KDM4B: variants seen among roughly 807,000 people sequenced by gnomAD.
KDM4B encodes the protein lysine demethylase 4B.
Under a neutral mutation model 125.2 loss-of-function variants are expected in KDM4B, and 32 were observed. The observed-to-expected ratio is 0.26, with a 90% CI of 0.19 to 0.34. The LOEUF (loss-of-function observed/expected upper bound fraction) is 0.34. Among genes scored for constraint, KDM4B ranks in the 10% least tolerant of loss-of-function variants. KDM4B has a pLI of 1.00. For missense variants in KDM4B, 1,190 were observed against 1,577.7 expected, an observed-to-expected ratio of 0.75 and a Z score of 4.16; for synonymous variants, 721 against 677.9, an observed-to-expected ratio of 1.06 and a Z score of -0.99.
Position 5,151,491 on chromosome 19 carries a change from C to T in KDM4B, c.3271C>T (p.Arg1091Trp), listed in dbSNP as rs752308152. 1.7e-5 allele frequency: 24 copies of T among 1,452,432 alleles called. No individual in the cohort carries two copies. Among genetic ancestry groups the T allele is most frequent in the South Asian group, 9.3e-5 (7 of 75,544 alleles). The allele number at this position is 1,452,432 out of a possible 1,614,324, so 90.0% of individuals were successfully genotyped here. ...GGAGAGCCTCCTGCAGGTGCAGGGC[C>T]GGCCCGGAGCCCCCTTCTAGGACAG... ...FVESLLQVQG[R>W]PGAPF Residue 1091 changes from arginine to tryptophan, a missense_variant, in exon 23 of 23, where the codon CGG becomes TGG. This residue lies in a region of KDM4B where 109 missense variants were observed against 93.8 expected (regional missense o/e 1.16). Coordinates refer to ENST00000159111, the MANE Select transcript of KDM4B (RefSeq NM_015015.3).
rs879585966 is a variant in KDM4B, at chr19:5,153,346, C to T, written c.*1835C>T. The T allele has an allele frequency of 2.0e-5, 3 of 152,276 alleles. No individual in the cohort carries two copies. The highest frequency in any genetic ancestry group is 4.4e-5 in the Non-Finnish European group (3 of 68,096). The allele number at this position is 152,276 out of a possible 1,614,324, so 9.4% of individuals were successfully genotyped here. A position where few individuals can be genotyped will look rare whatever the true frequency, so the allele number is the denominator to read the frequency against. ...AGAAGCGGGCGGGTGCCCCTGCTGC[C>T]CTTGTCCCTTGGGGGTCACACCCAT... On this transcript the variant is annotated 3_prime_UTR_variant, in exon 23 of 23. Transcript: ENST00000159111.
At chr19:5,038,842 G>C (rs1479560989) in intron 3 of KDM4B, among the ~76,000 whole-genome samples, 1 of 152,246 alleles carries the variant, frequency 6.6e-6, no homozygotes, top group Non-Finnish European at 1.5e-5. Context: ...CACGGCCCCT[G>C]TCCCATGTGG....
rs373013758 is a variant in KDM4B, at chr19:5,038,834, C to T, written c.142-1002C>T. On this transcript the variant is annotated intron_variant, in intron 3 of 22. Coordinates refer to ENST00000159111, the MANE Select transcript of KDM4B (RefSeq NM_015015.3). ...TCCGCACAGCTCCTGTCCTGCCTCA[C>T]GGCCCCTGTCCCATGTGGTGCTGTC... Among the ~76,000 whole-genome samples the T allele has an allele frequency of 1.4e-4, 21 of 152,384 alleles. 2 individuals carry two copies. Among genetic ancestry groups the T allele is most frequent in the East Asian group, 1.3e-3 (7 of 5,190 alleles).
chr19:5,127,089 T>A (rs2039462597), intron 11 of KDM4B, among the ~76,000 whole-genome samples: 1 of 152,110 alleles, frequency 6.6e-6, no homozygotes, highest in Non-Finnish European at 1.5e-5. Flanking sequence ...GGGTTTCCGC[T>A]GTGACACCTT....
intron 6 of KDM4B, among the ~76,000 whole-genome samples, chr19:5,054,394 A>G (rs1398754526): frequency 6.6e-6 from 1 of 152,184 alleles, no homozygotes; most frequent in Non-Finnish European, 1.5e-5. Flanking sequence ...TTAAAACTGG[A>G]AGTCCCATAT....
intron 3 of KDM4B, among the ~76,000 whole-genome samples, chr19:5,037,422 C>T (rs2036663910): frequency 6.6e-6 from 1 of 152,216 alleles, no homozygotes; most frequent in Non-Finnish European, 1.5e-5. Flanking sequence ...ACTGACTCTT[C>T]AGCTGCTCCC....
At chr19:5,046,812 C>T (rs1489746743) in intron 5 of KDM4B, among the ~76,000 whole-genome samples, 2 of 152,200 alleles carry the variant, frequency 1.3e-5, no homozygotes, top group East Asian at 3.9e-4. Context: ...CTGTTTTTCT[C>T]CTTCCGTGTC....
At chr19:5,017,211 C>T (rs1411706158) in intron 2 of KDM4B, among the ~76,000 whole-genome samples, 2 of 152,136 alleles carry the variant, frequency 1.3e-5, no homozygotes, top group African/African-American at 2.4e-5. Flanking sequence ...TGTTCTACTA[C>T]GATTAGGACC....
At chr19:5,007,542 C>CTTTTTTT (rs10536135) in intron 1 of KDM4B, among the ~76,000 whole-genome samples, 3 of 100,756 alleles carry the variant, frequency 3.0e-5, no homozygotes, top group Non-Finnish European at 5.7e-5. Flanking sequence ...TTCTCTCTCT[C>CTTTTTTT]TTTTTTTTTT....
chr19:5,119,443 T>G (rs769872201), intron 10 of KDM4B, among the ~76,000 whole-genome samples: 1 of 152,160 alleles, frequency 6.6e-6, no homozygotes, highest in Admixed American at 6.5e-5. Flanking sequence ...CGTCTCCCTT[T>G]GGTCTCTCCT....
At chr19:5,059,702 G>C (rs1456525523) in intron 6 of KDM4B, among the ~76,000 whole-genome samples, 1 of 152,248 alleles carries the variant, frequency 6.6e-6, no homozygotes, top group African/African-American at 2.4e-5. Context: ...TCGGTCACCA[G>C]GGGCCTGGCG....
intron 1 of KDM4B, among the ~76,000 whole-genome samples, chr19:4,979,575 A>G (rs1377401260): frequency 2.6e-5 from 4 of 152,284 alleles, no homozygotes; most frequent in South Asian, 2.1e-4. Flanking sequence ...TCATGGGGAC[A>G]TGAGGCAGCA....
chr19:5,085,848 T>C (rs2038475242), intron 9 of KDM4B, among the ~76,000 whole-genome samples: 1 of 152,206 alleles, frequency 6.6e-6, no homozygotes, highest in Non-Finnish European at 1.5e-5. Context: ...GGCAGGGTTT[T>C]CTCTCCCATA....
rs2038283216 is a variant in KDM4B, at chr19:5,081,197, A to C, written c.781-1170A>C. ...GAGCCCACTTGACTTCAAGGATTCT[A>C]GTTCATGAGCCTCAGTTTCCACGTC... On this transcript the variant is annotated intron_variant, in intron 8 of 22. Transcript: ENST00000159111. The surrounding 1 kb of genome is among the most constrained non-coding windows in gnomAD (Gnocchi z 4.2). 6.6e-6 allele frequency among the ~76,000 whole-genome samples: 1 copy of C among 152,214 alleles called. No individual in the cohort carries two copies. The highest frequency in any genetic ancestry group is 1.5e-5 in the Non-Finnish European group (1 of 68,034).
chr19:4,972,224 C>G (rs963067436), intron 1 of KDM4B, among the ~76,000 whole-genome samples: 4 of 152,216 alleles, frequency 2.6e-5, no homozygotes, highest in Non-Finnish European at 5.9e-5. Context: ...CTGTCCCATG[C>G]CCCACACAGG....
At chr19:5,027,034 C>G (rs1043151665) in intron 2 of KDM4B, among the ~76,000 whole-genome samples, 7 of 152,240 alleles carry the variant, frequency 4.6e-5, no homozygotes, top group African/African-American at 1.7e-4. Flanking sequence ...TTTGGCCCAG[C>G]TGAGGCCTTC....
Position 5,047,688 on chromosome 19 carries a change from C to A in KDM4B, c.626+19C>A. ...AGTCCTGGTGAGTGTCTGCACTGGC[C>A]CTGCCGCCGGCCGGACCGAGAGCCC... On this transcript the variant is annotated intron_variant, in intron 6 of 22. Coordinates refer to ENST00000159111, the MANE Select transcript of KDM4B (RefSeq NM_015015.3). The A allele has an allele frequency of 6.2e-7, 1 of 1,609,396 alleles. No individual in the cohort carries two copies. Among genetic ancestry groups the A allele is most frequent in the East Asian group, 2.2e-5 (1 of 44,810 alleles).
intron 11 of KDM4B, among the ~76,000 whole-genome samples, chr19:5,124,320 TGCTGCCGCCGCC>T (rs1282141800): frequency 6.6e-6 from 1 of 152,128 alleles, no homozygotes; most frequent in East Asian, 1.9e-4. Flanking sequence ...TCGGGCAGGC[TGCTGCCGCCGCC>T]GCTGCCACCT....
rs774413799 is a variant in KDM4B, at chr19:5,126,063, G to A, written c.1316-5013G>A. Among the ~76,000 whole-genome samples the A allele has an allele frequency of 7.2e-5, 11 of 152,332 alleles. No homozygotes were observed. In the East Asian group the frequency reaches 1.7e-3, roughly 24 times the overall value. ...GTTTCACGCCCCTAAAAGCTATGAC[G>A]CTGAGGCACCTTTCAGGGCCTAGCA... On this transcript the variant is annotated intron_variant, in intron 11 of 22. Transcript: ENST00000159111.
Sources: allele counts gnomAD v4.1 joint callset (sites outside exome capture counted in the v4.1 genomes callset), GRCh38; gene constraint gnomAD v4.1.1; regional missense constraint gnomAD v4.1.1; non-coding constraint Gnocchi (gnomAD v3.1); transcripts MANE v1.5; gene names NCBI Gene and HGNC (gene_info 2026-07-23, HGNC 2026-07-21).